Variants in PTK2 observed in about 807,000 individuals in gnomAD.
PTK2 encodes the protein protein tyrosine kinase 2.
A neutral mutation model predicts 150.1 loss-of-function variants in PTK2; 45 were observed. The observed-to-expected ratio is 0.30, with a 90% CI of 0.24 to 0.38. PTK2 has a LOEUF of 0.38. Ranked by LOEUF, PTK2 falls within the 10% of genes least tolerant of loss-of-function variation. PTK2 has a pLI of 1.00. For missense variants in PTK2, 919 were observed against 1,307.3 expected (o/e 0.70, Z 4.58); for synonymous variants, 432 against 449.2 (o/e 0.96, Z 0.48).
rs1195239046 is a variant in PTK2 at position 140,737,493 on chromosome 8, T to C, written c.1825+1525A>G. ...TGACAAAAATCACATCTACTGATTC[T>C]AGGAAACTTTATTAGTTTATAAGAC... On this transcript the variant is annotated intron_variant, in intron 21 of 31. Transcript: ENST00000522684. Among the ~76,000 whole-genome samples the C allele has an allele frequency of 2.0e-5, 3 of 152,336 alleles. No homozygotes were observed. The East Asian group carries it at 5.8e-4, about 29-fold the overall frequency.
intron 1 of PTK2, among the ~76,000 whole-genome samples, chr8:140,970,792 C>A (rs1441630475): frequency 6.6e-6 from 1 of 151,934 alleles, no homozygotes; most frequent in East Asian, 1.9e-4. Context: ...CTTCTCTGCT[C>A]AAAACCCTAA....
chr8:140,757,002 G>GA (rs1258488226), intron 16 of PTK2, among the ~76,000 whole-genome samples: 2 of 150,330 alleles, frequency 1.3e-5, no homozygotes, highest in Non-Finnish European at 3.0e-5. Context: ...AAAAAAAAAA[G>GA]AAAAAAGTAA....
chr8:140,778,220 C>G (rs143495094), intron 14 of PTK2, among the ~76,000 whole-genome samples: 1 of 152,218 alleles, frequency 6.6e-6, no homozygotes, highest in African/African-American at 2.4e-5. Context: ...GTAATCCCAG[C>G]ACTTTGGGAG....
At chr8:140,814,195 A>G (rs928876505) in intron 10 of PTK2, among the ~76,000 whole-genome samples, 7 of 152,166 alleles carry the variant, frequency 4.6e-5, no homozygotes, top group African/African-American at 1.7e-4. Flanking sequence ...CCAGCACCAC[A>G]TGGATTCACA....
At chr8:140,864,690 C>A (rs945379150) in intron 4 of PTK2, among the ~76,000 whole-genome samples, 2 of 152,198 alleles carry the variant, frequency 1.3e-5, no homozygotes, top group Non-Finnish European at 2.9e-5. Context: ...AGGGGAAGAA[C>A]TGCCCTGACT....
intron 23 of PTK2, among the ~76,000 whole-genome samples, chr8:140,714,647 A>G (rs962741795): frequency 6.6e-6 from 1 of 151,646 alleles, no homozygotes; most frequent in African/African-American, 2.4e-5. Flanking sequence ...AAATACAAAA[A>G]TTAGCCAGGC....
At chr8:140,880,516 CAACT>C (rs1206518051) in intron 3 of PTK2, among the ~76,000 whole-genome samples, 1 of 152,160 alleles carries the variant, frequency 6.6e-6, no homozygotes, top group African/African-American at 2.4e-5. Context: ...AAATTACAAC[CAACT>C]GTGACCTTCT....
At chr8:140,709,412 T>C (rs771956661) in intron 23 of PTK2, among the ~76,000 whole-genome samples, 2 of 152,206 alleles carry the variant, frequency 1.3e-5, no homozygotes, top group Non-Finnish European at 2.9e-5. Context: ...CAAAATCAAA[T>C]GTTGCTAACC....
intron 4 of PTK2, among the ~76,000 whole-genome samples, chr8:140,873,020 TCTA>T (rs796348657): frequency 6.6e-5 from 10 of 152,348 alleles, no homozygotes; most frequent in African/African-American, 2.2e-4. Context: ...TGTGTGACAT[TCTA>T]CTGTGTGAAT....
chr8:140,747,620 AAG>A (rs2100059958), intron 17 of PTK2, among the ~76,000 whole-genome samples: 1 of 85,076 alleles, frequency 1.2e-5, no homozygotes, highest in Non-Finnish European at 2.4e-5. Flanking sequence ...GCTGAAGAGG[AAG>A]AGGAGGAAGG....
At chr8:140,705,077 C>CAA in intron 24 of PTK2, among the ~76,000 whole-genome samples, 1 of 152,108 alleles carries the variant, frequency 6.6e-6, no homozygotes, top group South Asian at 2.1e-4. Flanking sequence ...TAACAATAAG[C>CAA]TATTCTTGGG....
intron 14 of PTK2, among the ~76,000 whole-genome samples, chr8:140,775,398 C>A (rs756133510): frequency 2.6e-5 from 4 of 152,006 alleles, no homozygotes; most frequent in Non-Finnish European, 5.9e-5. Context: ...GGTGTGAGAA[C>A]TGTTTGAGCC....
rs186772947 is a variant in PTK2 at position 140,871,137 on chromosome 8, A to T, written c.363-6738T>A. Among the ~76,000 whole-genome samples, 3 of 152,346 alleles carry T rather than the reference A, an allele frequency of 2.0e-5. No homozygotes were observed. In the East Asian group the frequency reaches 5.8e-4, roughly 29 times the overall value. On this transcript the variant is annotated intron_variant, in intron 4 of 31. Coordinates refer to ENST00000522684, the Ensembl canonical transcript of PTK2. ...ATGGACAGACCATTTTGAAGTCTAA[A>T]CTATTTCCATCAATTTATAACTTTG...
intron 10 of PTK2, 151 bp from the exon 11 acceptor site, chr8:140,803,801 AG>A: frequency 1.4e-6 from 1 of 692,122 alleles, no homozygotes; most frequent in Non-Finnish European, 2.4e-6. Context: ...ATGCTGCCCC[AG>A]GGGAGCAGCC....
At chr8:140,830,584 A>C in intron 7 of PTK2, 58 bp from the exon 8 acceptor site, 1 of 1,024,770 alleles carries the variant, frequency 9.8e-7, no homozygotes, top group Non-Finnish European at 1.4e-6. Context: ...TTAATATGAC[A>C]AACTTGCAAG....
intron 26 of PTK2, among the ~76,000 whole-genome samples, chr8:140,697,132 T>C (rs1476106797): frequency 2.6e-5 from 2 of 78,292 alleles, no homozygotes; most frequent in Non-Finnish European, 5.3e-5. Flanking sequence ...AGACCCTGTT[T>C]CCGGGAAAAA....
chr8:140,931,049 C>T (rs911587081), intron 1 of PTK2, among the ~76,000 whole-genome samples: 11 of 139,902 alleles, frequency 7.9e-5, no homozygotes, highest in South Asian at 4.5e-4. Flanking sequence ...CCAGCCTGCG[C>T]GGCAGAGCGA....
At chr8:140,836,591 A>C (rs1259871463) in intron 7 of PTK2, among the ~76,000 whole-genome samples, 1 of 152,224 alleles carries the variant, frequency 6.6e-6, no homozygotes, top group Non-Finnish European at 1.5e-5. Flanking sequence ...TTTGATATTT[A>C]TTATAAGTAG....
At position 140,818,399 on chromosome 8, in the gene PTK2, A is replaced by G. The variant is rs954150948; in HGVS notation, c.790-45T>C. 9 of 1,523,244 alleles carry G rather than the reference A, an allele frequency of 5.9e-6. No individual in the cohort carries two copies. The Middle Eastern group carries it at 6.8e-4, about 115-fold the overall frequency. 94.4% of individuals were successfully genotyped at this position (1,523,244 alleles called of 1,614,324 possible). On this transcript the variant is annotated intron_variant, in intron 9 of 31. Transcript: ENST00000522684. ...TGAGAACAGAGGTGGCAGAAGGAAA[A>G]AAGAAATACTTTAGATAAAGAGCCG...
Sources: gnomAD v4.1 joint callset for allele counts (sites outside exome capture counted in the v4.1 genomes callset) on GRCh38, gnomAD v4.1.1 for gene constraint, MANE v1.5 for transcripts, NCBI Gene and HGNC (gene_info 2026-07-23, HGNC 2026-07-21) for gene names.